MORF4L2: variants seen among roughly 807,000 people sequenced by gnomAD.
MORF4L2 encodes mortality factor 4-like protein 2.
In MORF4L2, 1 loss-of-function variant was observed where a neutral mutation model predicts 12.0. The observed-to-expected ratio is 0.08, with a 90% CI of 0.03 to 0.40. The LOEUF (loss-of-function observed/expected upper bound fraction) is 0.40, where lower values mean the gene tolerates loss of function less well. Among genes scored for constraint, MORF4L2 ranks in the 10% least tolerant of loss-of-function variants. The pLI is 0.98. For missense variants in MORF4L2, 123 were observed against 214.0 expected, an observed-to-expected ratio of 0.57 and a Z score of 2.65; for synonymous variants, 69 against 81.6, an observed-to-expected ratio of 0.85 and a Z score of 0.83.
chrX:103,682,197 T>A (rs1187232688), intron 2 of MORF4L2, among the ~76,000 whole-genome samples: 4 of 111,486 alleles, frequency 3.6e-5, no homozygotes, highest in African/African-American at 6.7e-5. Context: ...AGTACATACC[T>A]ACCTCTTCTT....
chrX:103,680,734 A>G (rs180788758), intron 2 of MORF4L2, among the ~76,000 whole-genome samples: 2 of 112,462 alleles, frequency 1.8e-5, no homozygotes, highest in East Asian at 5.6e-4. Context: ...TGTTTCATAT[A>G]CACCTTATAC....
chrX:103,682,121 C>G (rs781199390), intron 2 of MORF4L2, among the ~76,000 whole-genome samples: 1 of 111,558 alleles, frequency 9.0e-6, no homozygotes, highest in Non-Finnish European at 1.9e-5. Flanking sequence ...TTTGTTTTGA[C>G]AAAGGTGAGA....
At chrX:103,687,083 GT>G (rs375105934), upstream of MORF4L2, among the ~76,000 whole-genome samples, 30 of 102,415 alleles carry the variant, frequency 2.9e-4, no homozygotes, top group African/African-American at 7.8e-4. Flanking sequence ...TGACCAGAGG[GT>G]TTTTTTTTTT....
In MORF4L2 at chrX:103,676,794, G is replaced by A. The variant is rs1485275859; in HGVS notation, c.234C>T (p.Asn78=). Residue 78 remains asparagine, a synonymous_variant, in exon 4 of 4, where the codon AAC becomes AAT. Coordinates refer to ENST00000441076, the MANE Select transcript of MORF4L2 (RefSeq NM_012286.3). The part of the protein sequence containing the change: ...PSGSVRKTRK[N]KQKTPGNGDG... Reference sequence around the variant, plus strand: ...CTCCGTTTCCAGGAGTCTTCTGCTTGTTCTTTCTGGTCTTCCTCACGGATC... The same window carrying A: ...CTCCGTTTCCAGGAGTCTTCTGCTTATTCTTTCTGGTCTTCCTCACGGATC... 8.3e-7 allele frequency: 1 copy of A among 1,206,604 alleles called. No homozygotes were observed. The highest frequency in any genetic ancestry group is 3.0e-5 in the East Asian group (1 of 33,599).
chrX:103,681,685 T>C (rs1165646358), intron 2 of MORF4L2, among the ~76,000 whole-genome samples: 1 of 112,041 alleles, frequency 8.9e-6, no homozygotes, highest in Non-Finnish European at 1.9e-5. Context: ...CCACAAGCAG[T>C]GTGTAAAAAT....
In MORF4L2 at chrX:103,678,131, G is replaced by T. The variant is rs1024029562; in HGVS notation, c.-25+368C>A. ...AACAAAAAAAAAAAAATAAAGCTCG[G>T]GTGAGAAGTAAAAGCCAGAAATGGA... On this transcript the variant is annotated intron_variant, in intron 3 of 3. Transcript: ENST00000441076. 3.6e-5 allele frequency among the ~76,000 whole-genome samples: 4 copies of T among 110,099 alleles called. No homozygotes were observed. In the Admixed American group the frequency reaches 3.9e-4, roughly 11 times the overall value.
At chrX:103,679,334 T>C (rs1261165012) in intron 2 of MORF4L2, among the ~76,000 whole-genome samples, 2 of 81,146 alleles carry the variant, frequency 2.5e-5, no homozygotes, top group Non-Finnish European at 4.6e-5. Flanking sequence ...TGAAACCCTG[T>C]CTCTACTAAA....
At chrX:103,682,790 A>G (rs987086119) in intron 2 of MORF4L2, among the ~76,000 whole-genome samples, 1 of 112,286 alleles carries the variant, frequency 8.9e-6, no homozygotes, top group Non-Finnish European at 1.9e-5. Flanking sequence ...ATGTGCATAC[A>G]TCTCTCAATA....
chrX:103,679,096 T>G (rs186521802), intron 2 of MORF4L2, among the ~76,000 whole-genome samples: 1 of 111,685 alleles, frequency 9.0e-6, no homozygotes, highest in East Asian at 2.8e-4. Context: ...CAGAAGAACA[T>G]TCAAATGAAT....
intron 2 of MORF4L2, among the ~76,000 whole-genome samples, chrX:103,680,876 A>G (rs1380492599): frequency 8.9e-6 from 1 of 112,334 alleles, no homozygotes; most frequent in African/African-American, 3.2e-5. Flanking sequence ...AGCATTTCAG[A>G]TTAGGGTTAC....
At chrX:103,684,208 T>C (rs1455288098) in intron 2 of MORF4L2, among the ~76,000 whole-genome samples, 1 of 112,151 alleles carries the variant, frequency 8.9e-6, no homozygotes, top group Non-Finnish European at 1.9e-5. Flanking sequence ...AATGCACATA[T>C]ACCATATCAG....
intron 2 of MORF4L2, among the ~76,000 whole-genome samples, chrX:103,680,449 T>C (rs1404237967): frequency 2.7e-5 from 3 of 112,551 alleles, no homozygotes; most frequent in Non-Finnish European, 3.8e-5. Context: ...CGGAGACACA[T>C]CCTGTGAAGG....
chrX:103,679,170 G>A (rs191376337), intron 2 of MORF4L2, among the ~76,000 whole-genome samples: 164 of 110,206 alleles, frequency 1.5e-3, no homozygotes, highest in African/African-American at 5.2e-3. Context: ...TAAATAGGCA[G>A]TGGCATAATA....
rs1464770123 is a variant in MORF4L2, at chrX:103,686,670, G to T, written c.-307C>A. On this transcript the variant is annotated 5_prime_UTR_variant, in exon 1 of 4. Transcript: ENST00000441076. Reference sequence around the variant, plus strand: ...CAGATCTTCCCAGCAGCCGACGTGTGATCACTGCCGTTCCTCCAACCGCCA... The same window carrying T: ...CAGATCTTCCCAGCAGCCGACGTGTTATCACTGCCGTTCCTCCAACCGCCA... 2.9e-5 allele frequency: 3 copies of T among 104,299 alleles called. No individual in the cohort carries two copies. 8.6% of individuals were successfully genotyped at this position (104,299 alleles called of 1,213,427 possible). A position where few individuals can be genotyped will look rare whatever the true frequency, so the allele number is the denominator to read the frequency against.
chrX:103,680,848 G>A (rs1603198431), intron 2 of MORF4L2, among the ~76,000 whole-genome samples: 1 of 112,440 alleles, frequency 8.9e-6, no homozygotes, highest in South Asian at 3.7e-4. Context: ...TTGGCACTCA[G>A]AAAGTTTCAG....
Position 103,677,143 on chromosome X carries a change from C to G in MORF4L2, c.-24-92G>C, listed in dbSNP as rs2073865675. The G allele has an allele frequency of 7.2e-6, 5 of 698,537 alleles. No individual in the cohort carries two copies. In the South Asian group the frequency reaches 2.1e-4, roughly 30 times the overall value. The allele number at this position is 698,537 out of a possible 1,213,427, so 57.6% of individuals were successfully genotyped here. On this transcript the variant is annotated intron_variant, in intron 3 of 3. Transcript: ENST00000441076. ...CCCATCAGAGAATAACACATTCTAA[C>G]TCCCTTAAAATCTGGATTTCAAATC...
rs1415504204 is a variant in MORF4L2 at position 103,676,718 on chromosome X, G to A, written c.310C>T (p.Arg104Trp). 16 of 1,203,158 alleles carry A rather than the reference G, an allele frequency of 1.3e-5. No homozygotes were observed. Among genetic ancestry groups the A allele is most frequent in the East Asian group, 3.0e-5 (1 of 33,561 alleles). Reference protein sequence around the residue: ...APQPPRKKRARADPTVESEEA... With the variant: ...APQPPRKKRAWADPTVESEEA... ...TCACTTTCAACAGTGGGGTCTGCCC[G>A]GGCCCTTTTCTTCCGAGGGGGCTGA... is the stretch of plus-strand genomic sequence containing the variant. Residue 104 changes from arginine to tryptophan, a missense_variant, in exon 4 of 4, where the codon CGG (arginine) becomes TGG (tryptophan). Coordinates refer to ENST00000441076, the MANE Select transcript of MORF4L2 (RefSeq NM_012286.3).
At chrX:103,683,965 T>C (rs1476876221) in intron 2 of MORF4L2, among the ~76,000 whole-genome samples, 4 of 111,693 alleles carry the variant, frequency 3.6e-5, no homozygotes, top group African/African-American at 1.3e-4. Context: ...AATGCATCTC[T>C]TCCAGGAGGG....
chrX:103,683,283 T>C (rs948967963), intron 2 of MORF4L2, among the ~76,000 whole-genome samples: 1 of 107,433 alleles, frequency 9.3e-6, no homozygotes, highest in Admixed American at 9.9e-5. Context: ...GGTCTTGAAC[T>C]CCTGACCCCG....
Sources: gnomAD v4.1 joint callset for allele counts (sites outside exome capture counted in the v4.1 genomes callset) on GRCh38, gnomAD v4.1.1 for gene constraint, MANE v1.5 for transcripts, NCBI Gene and HGNC (gene_info 2026-07-23, HGNC 2026-07-21) for gene names.